The following KIF5C variants were observed in gnomAD, a reference collection of about 807,000 sequenced individuals.
KIF5C encodes the protein kinesin family member 5C.
A neutral mutation model predicts 125.2 loss-of-function variants in KIF5C; 18 were observed. The observed-to-expected ratio is 0.14, with a 90% confidence interval of 0.10 to 0.21. The LOEUF is 0.21. KIF5C is among the 10% of genes least tolerant of loss of function. The pLI is 1.00. For synonymous variants in KIF5C, 405 were observed against 434.0 expected, an observed-to-expected ratio of 0.93 and a Z score of 0.83; for missense variants, 780 against 1,183.8, an observed-to-expected ratio of 0.66 and a Z score of 5.01.
chr2:148,892,149 G>C (rs879316590), intron 1 of KIF5C, among the ~76,000 whole-genome samples: 6 of 152,220 alleles, frequency 3.9e-5, no homozygotes, highest in Non-Finnish European at 7.3e-5. Context: ...GTGGGCTCCA[G>C]CATCCTTGCT....
chr2:148,955,545 A>G (rs1682771670), intron 10 of KIF5C, among the ~76,000 whole-genome samples: 1 of 152,142 alleles, frequency 6.6e-6, no homozygotes, highest in Admixed American at 6.5e-5. Flanking sequence ...CCCCATAGTC[A>G]TGTGAGTCAG....
At chr2:148,898,822 A>T (rs1326114790) in intron 1 of KIF5C, among the ~76,000 whole-genome samples, 4 of 152,220 alleles carry the variant, frequency 2.6e-5, no homozygotes, top group East Asian at 1.9e-4. Flanking sequence ...ATTTCTGTTA[A>T]TTTTTTATAG....
chr2:148,929,510 C>T (rs867912892), intron 3 of KIF5C, among the ~76,000 whole-genome samples, 156 bp downstream of exon 3: 24 of 152,216 alleles, frequency 1.6e-4, no homozygotes, highest in African/African-American at 5.1e-4. Context: ...TTTAAAATAG[C>T]AGCAAAAAAT....
At chr2:148,935,408 G>A (rs1460531132) in intron 3 of KIF5C, among the ~76,000 whole-genome samples, 1 of 152,196 alleles carries the variant, frequency 6.6e-6, no homozygotes, top group East Asian at 1.9e-4. Context: ...GCTCTGGAGG[G>A]CTTTGGTAGG....
intron 24 of KIF5C, among the ~76,000 whole-genome samples, chr2:149,010,572 C>T (rs1222792119): frequency 6.6e-6 from 1 of 152,274 alleles, no homozygotes; most frequent in East Asian, 1.9e-4. Context: ...CAGCATACAT[C>T]GTGGTCTCAA....
intron 23 of KIF5C, 36 bp downstream of exon 23, chr2:149,008,103 C>T: frequency 3.8e-6 from 6 of 1,580,688 alleles, no homozygotes; most frequent in South Asian, 2.3e-5. Context: ...CTGATTCCCT[C>T]CTCTCTCCTG....
chr2:148,892,221 G>A (rs746895543), intron 1 of KIF5C, among the ~76,000 whole-genome samples: 1 of 152,200 alleles, frequency 6.6e-6, no homozygotes, highest in Non-Finnish European at 1.5e-5. Context: ...GAATGTTTGA[G>A]TGCACAGCAT....
intron 1 of KIF5C, among the ~76,000 whole-genome samples, chr2:148,906,009 C>T (rs562096351): frequency 2.5e-4 from 38 of 152,090 alleles, no homozygotes; most frequent in Non-Finnish European, 2.9e-4. Context: ...CACAGGGTAC[C>T]CCCATGACAT....
At chr2:148,911,841 A>T (rs1681349916) in intron 1 of KIF5C, among the ~76,000 whole-genome samples, 1 of 152,110 alleles carries the variant, frequency 6.6e-6, no homozygotes, top group Non-Finnish European at 1.5e-5. Context: ...GCTGCTTTGG[A>T]TAGTAGGTTT....
intron 10 of KIF5C, among the ~76,000 whole-genome samples, chr2:148,957,807 A>G (rs1035655727): frequency 2.6e-5 from 4 of 152,026 alleles, no homozygotes; most frequent in Non-Finnish European, 4.4e-5. Context: ...TTATAAATAT[A>G]TATACACATG....
chr2:148,906,069 A>G (rs1172542085), intron 1 of KIF5C, among the ~76,000 whole-genome samples: 1 of 152,188 alleles, frequency 6.6e-6, no homozygotes, highest in Non-Finnish European at 1.5e-5. Flanking sequence ...GTGGGGACAC[A>G]GCCAAACCAT....
At chr2:149,011,486 T>C (rs1682193856) in intron 24 of KIF5C, 84 bp from the exon 25 acceptor site, 1 of 1,538,630 alleles carries the variant, frequency 6.5e-7, no homozygotes. Flanking sequence ...CTTTTAGTTG[T>C]CACAGGTGAC....
At chr2:148,915,584 A>G (rs767061756) in intron 1 of KIF5C, among the ~76,000 whole-genome samples, 78 of 152,240 alleles carry the variant, frequency 5.1e-4, no homozygotes, top group Non-Finnish European at 9.4e-4. Flanking sequence ...GCACCAACCA[A>G]ATGTGATGGC....
At chr2:148,932,623 T>C (rs1171355201) in intron 3 of KIF5C, among the ~76,000 whole-genome samples, 1 of 152,226 alleles carries the variant, frequency 6.6e-6, no homozygotes, top group African/African-American at 2.4e-5. Context: ...GGGCCTCTCC[T>C]GGCCCCGTGC....
chr2:148,899,132 T>C (rs1230240544), intron 1 of KIF5C, among the ~76,000 whole-genome samples: 1 of 152,214 alleles, frequency 6.6e-6, no homozygotes, highest in Non-Finnish European at 1.5e-5. Context: ...AGTATTTTTT[T>C]CAGAATTCAG....
intron 19 of KIF5C, among the ~76,000 whole-genome samples, chr2:148,999,441 G>A (rs1287813691): frequency 6.6e-6 from 1 of 152,184 alleles, no homozygotes; most frequent in African/African-American, 2.4e-5. Context: ...TGAGCCGCTC[G>A]AAAGGTGCAT....
rs1681207949 is a variant in KIF5C, at chr2:148,876,850, G to A, written c.126+1107G>A. The stretch of plus-strand genomic sequence containing the variant: ...GGAGCCTCCCGGTCCCCGCTGACAC[G>A]TTCCTGGCAGCCTGCTCCAGGCTGC... On this transcript the variant is annotated intron_variant, in intron 1 of 25. Coordinates refer to ENST00000435030, the MANE Select transcript of KIF5C (RefSeq NM_004522.3). This position sits in a 1 kb window ranked among gnomAD's most constrained non-coding sequence, Gnocchi z 4.7. Among the ~76,000 whole-genome samples the A allele has an allele frequency of 6.6e-6, 1 of 152,170 alleles. No homozygotes were observed. Among genetic ancestry groups the A allele is most frequent in the African/African-American group, 2.4e-5 (1 of 41,432 alleles).
intron 16 of KIF5C, among the ~76,000 whole-genome samples, chr2:148,992,037 G>C (rs1681540584): frequency 6.6e-6 from 1 of 152,166 alleles, no homozygotes; most frequent in Admixed American, 6.5e-5. Flanking sequence ...AAAATAGGCT[G>C]TCATTTGGAG....
chr2:148,903,650 T>G (rs1680988588), intron 1 of KIF5C, among the ~76,000 whole-genome samples: 1 of 152,186 alleles, frequency 6.6e-6, no homozygotes, highest in African/African-American at 2.4e-5. Flanking sequence ...ACATATATTG[T>G]TATTTCGTCC....
Sources: allele counts gnomAD v4.1 joint callset (sites outside exome capture counted in the v4.1 genomes callset), GRCh38; gene constraint gnomAD v4.1.1; non-coding constraint Gnocchi (gnomAD v3.1); transcripts MANE v1.5; gene names NCBI Gene and HGNC (gene_info 2026-07-23, HGNC 2026-07-21).